The following NBEAL1 variants were observed in gnomAD, a reference collection of about 807,000 sequenced individuals.
NBEAL1 encodes the protein neurobeachin-like protein 1.
Under a neutral mutation model 351.3 loss-of-function variants are expected in NBEAL1, and 273 were observed. That is an observed-to-expected ratio of 0.78 (90% CI 0.70 to 0.86). NBEAL1 has a LOEUF of 0.86. NBEAL1 is among the 40% of genes least tolerant of loss of function. The probability of loss-of-function intolerance (pLI) is 0.00; values close to 1 mark genes in which losing one functional copy is unlikely to be tolerated. For missense variants in NBEAL1, 2,961 were observed against 3,201.3 expected (o/e 0.92, Z 1.81); for synonymous variants, 1,050 against 1,086.4 (o/e 0.97, Z 0.66).
chr2:203,184,896 T>TTA (rs1407391494), intron 44 of NBEAL1, among the ~76,000 whole-genome samples: 1 of 140,336 alleles, frequency 7.1e-6, no homozygotes, highest in Non-Finnish European at 1.6e-5. Context: ...ACCCTGTATT[T>TTA]AAAAAAAAAA....
chr2:203,153,430 C>T (rs139349264), intron 35 of NBEAL1, among the ~76,000 whole-genome samples: 76 of 152,102 alleles, frequency 5.0e-4, no homozygotes, highest in African/African-American at 1.0e-3. Flanking sequence ...AGACTTGAGC[C>T]GGCATGGCTG....
chr2:203,154,179 T>C (rs1309827218), intron 35 of NBEAL1, among the ~76,000 whole-genome samples: 1 of 148,450 alleles, frequency 6.7e-6, no homozygotes, highest in African/African-American at 2.5e-5. Context: ...GAGCTTGCAG[T>C]GAGCCGAGAT....
intron 8 of NBEAL1, among the ~76,000 whole-genome samples, chr2:203,081,568 A>G (rs2061873737): frequency 6.6e-6 from 1 of 152,256 alleles, no homozygotes; most frequent in Non-Finnish European, 1.5e-5. Flanking sequence ...AATAAAATTA[A>G]AACAGCTTAA....
At chr2:203,144,560 CT>C in intron 31 of NBEAL1, 39 bp from the exon 32 acceptor site, 2 of 1,539,074 alleles carry the variant, frequency 1.3e-6, no homozygotes, top group Non-Finnish European at 1.8e-6. Flanking sequence ...TAAATGTTTG[CT>C]TTAGTCTGCT....
In NBEAL1 at chr2:203,136,199, A is replaced by G; in HGVS notation, c.4336A>G (p.Ile1446Val). 1 of 1,610,694 alleles carries G rather than the reference A, an allele frequency of 6.2e-7. No homozygotes were observed. Among genetic ancestry groups the G allele is most frequent in the Non-Finnish European group, 8.5e-7 (1 of 1,179,076 alleles). The change falls in exon 28 of 56, where the codon ATC becomes GTC. Residue 1446 changes from isoleucine to valine, a missense_variant. Ile to Val is a conservative substitution (Grantham distance 29, BLOSUM62 3). Coordinates refer to ENST00000683969, the MANE Select transcript of NBEAL1 (RefSeq NM_001378026.1). ...FSVHSDRESS[I>V]TNDMGFSDDF... ...TGTGCACTCTGACAGAGAAAGCAGC[A>G]TCACAAATGATATGGGCTTTAGTGA... is the stretch of plus-strand genomic sequence containing the variant.
chr2:203,164,794 A>G (rs1234660968), intron 36 of NBEAL1, among the ~76,000 whole-genome samples: 2 of 152,130 alleles, frequency 1.3e-5, no homozygotes, highest in Non-Finnish European at 2.9e-5. Context: ...GTCTAGGACC[A>G]GAGAGTTAGC....
intron 51 of NBEAL1, among the ~76,000 whole-genome samples, chr2:203,204,257 C>T (rs371845579): frequency 6.8e-6 from 1 of 147,308 alleles, no homozygotes; most frequent in Non-Finnish European, 1.5e-5. Flanking sequence ...AAAAAAAAAA[C>T]AACTCCATTT....
chr2:203,203,125 C>G (rs1185272079), intron 51 of NBEAL1, among the ~76,000 whole-genome samples: 1 of 151,944 alleles, frequency 6.6e-6, no homozygotes, highest in African/African-American at 2.4e-5. Context: ...TGATTGCATT[C>G]TCATAATAAT....
At chr2:203,053,213 G>T (rs530832537) in intron 4 of NBEAL1, among the ~76,000 whole-genome samples, 18 of 152,128 alleles carry the variant, frequency 1.2e-4, no homozygotes, top group African/African-American at 4.3e-4. Context: ...GAGAGTTCCT[G>T]TTGCTCTTCA....
chr2:203,159,329 T>A (rs944495571), intron 36 of NBEAL1, among the ~76,000 whole-genome samples: 1 of 152,162 alleles, frequency 6.6e-6, no homozygotes, highest in Non-Finnish European at 1.5e-5. Context: ...AACATTTATG[T>A]CACCCCAAAA....
In NBEAL1 at chr2:203,207,069, T is replaced by C. The variant is rs1423389039; in HGVS notation, c.7507-1568T>C. Among the ~76,000 whole-genome samples, 9 of 138,928 alleles carry C rather than the reference T, an allele frequency of 6.5e-5. No individual in the cohort carries two copies. The South Asian group carries it at 2.0e-3, about 31-fold the overall frequency. The allele number at this position is 138,928 out of a possible 152,430, so 91.1% of individuals were successfully genotyped here. A position where few individuals can be genotyped will look rare whatever the true frequency, so the allele number is the denominator to read the frequency against. On this transcript the variant is annotated intron_variant, in intron 51 of 55. Coordinates refer to ENST00000683969, the MANE Select transcript of NBEAL1 (RefSeq NM_001378026.1). The stretch of plus-strand genomic sequence containing the variant: ...AGATGTGGGGAGCGCCTCTGCCCTG[T>C]CGCCCCGTCCGGGATGTGAGGAGCG...
rs1012612829 is a variant in NBEAL1, at chr2:203,057,455, T to G, written c.515+2T>G. On this transcript the variant is annotated splice_donor_variant, in intron 6 of 55. Transcript: ENST00000683969. LOFTEE classifies it high-confidence loss of function. ...GAATTGGAGACATAGAATTTCAGGG[T>G]ATGTCTTATAAATAATAACGTTCAT... is the stretch of plus-strand genomic sequence containing the variant. 3.1e-5 allele frequency: 48 copies of G among 1,546,998 alleles called. No individual in the cohort carries two copies. The highest frequency in any genetic ancestry group is 3.7e-5 in the Non-Finnish European group (42 of 1,144,072).
rs1266192340 is a variant in NBEAL1 at position 203,199,367 on chromosome 2, A to G, written c.7158A>G (p.Gly2386=). ...CAATAAGCATGAATTATGTTATTGG[A>G]ACCCATGGATGGTTGCCTTATGACA... ...LITISMNYVI[G]THGWLPYDRN... Residue 2386 remains glycine, a synonymous_variant, in exon 49 of 56, where the codon GGA becomes GGG. Coordinates refer to ENST00000683969, the MANE Select transcript of NBEAL1 (RefSeq NM_001378026.1). 1 of 1,601,910 alleles carries G rather than the reference A, an allele frequency of 6.2e-7. No homozygotes were observed. Among genetic ancestry groups the G allele is most frequent in the Non-Finnish European group, 8.5e-7 (1 of 1,169,934 alleles).
At chr2:203,092,451 G>C (rs989814404) in intron 10 of NBEAL1, among the ~76,000 whole-genome samples, 1 of 152,000 alleles carries the variant, frequency 6.6e-6, no homozygotes, top group African/African-American at 2.4e-5. Flanking sequence ...TGTAGTCTCA[G>C]CTGCTCAGGA....
intron 47 of NBEAL1, among the ~76,000 whole-genome samples, chr2:203,195,768 G>A (rs867235755): frequency 1.1e-4 from 16 of 152,020 alleles, no homozygotes; most frequent in African/African-American, 2.2e-4. Context: ...TTTTTTTGTC[G>A]TCAGAGAAGC....
At chr2:203,078,095 G>A (rs2061809219) in intron 8 of NBEAL1, among the ~76,000 whole-genome samples, 2 of 152,094 alleles carry the variant, frequency 1.3e-5, no homozygotes, top group Admixed American at 6.5e-5. Context: ...TAGCTTTCAA[G>A]CACTAGTTTT....
intron 51 of NBEAL1, among the ~76,000 whole-genome samples, chr2:203,207,579 T>C (rs1258224952): frequency 6.6e-6 from 1 of 152,240 alleles, no homozygotes; most frequent in East Asian, 1.9e-4. Flanking sequence ...GAAAAATTCT[T>C]CTGCCTTGGG....
At chr2:203,147,403 T>C (rs1193637593) in intron 33 of NBEAL1, among the ~76,000 whole-genome samples, 1 of 152,098 alleles carries the variant, frequency 6.6e-6, no homozygotes, top group African/African-American at 2.4e-5. Flanking sequence ...TTTCTAAAAA[T>C]ACTTTTACAA....
In NBEAL1 at chr2:203,138,691, ACT is replaced by A. The variant is rs750785613; in HGVS notation, c.4797_4798del (p.Gln1600AsnfsTer14). 1.3e-5 allele frequency: 21 copies of A among 1,612,614 alleles called. No homozygotes were observed. Among genetic ancestry groups the A allele is most frequent in the Non-Finnish European group, 1.2e-5 (14 of 1,179,528 alleles). ...CYSESPVWVK[L>X]SQIQIQLLLG... The stretch of plus-strand genomic sequence containing the variant: ...ATTCTGAAAGTCCAGTATGGGTAAA[ACT>A]CTCTCAAATTCAGATCCAGTTGCTT... On this transcript the variant is annotated frameshift_variant, in exon 31 of 56. Transcript: ENST00000683969. LOFTEE classifies it high-confidence loss of function.
Sources: gnomAD v4.1 joint callset for allele counts (sites outside exome capture counted in the v4.1 genomes callset) on GRCh38, gnomAD v4.1.1 for gene constraint, MANE v1.5 for transcripts, NCBI Gene and HGNC (gene_info 2026-07-23, HGNC 2026-07-21) for gene names.